The following DAB1 variants were observed in gnomAD, a reference collection of about 807,000 sequenced individuals.
The protein encoded by DAB1 is disabled homolog 1.
Under a neutral mutation model 64.6 loss-of-function variants are expected in DAB1, and 15 were observed. The observed-to-expected ratio is 0.23, with a 90% CI of 0.16 to 0.36. The LOEUF is 0.36. Among genes scored for constraint, DAB1 ranks in the 10% least tolerant of loss-of-function variants. DAB1 has a pLI of 1.00. For missense variants in DAB1, 596 were observed against 706.7 expected (o/e 0.84, Z 1.78); for synonymous variants, 235 against 251.9 (o/e 0.93, Z 0.64).
chr1:57,928,658 CAA>C (rs1644912954), intron 5 of DAB1, among the ~76,000 whole-genome samples: 1 of 152,148 alleles, frequency 6.6e-6, no homozygotes, highest in Non-Finnish European at 1.5e-5. Context: ...TTACTGTCTC[CAA>C]AGTTTTGCCT....
chr1:57,441,199 A>G (rs1254210354), intron 7 of DAB1, among the ~76,000 whole-genome samples: 1 of 152,206 alleles, frequency 6.6e-6, no homozygotes, highest in Non-Finnish European at 1.5e-5. Context: ...AAAGGACACA[A>G]TTTCATTCTT....
At chr1:57,279,863 A>G (rs1402249160) in intron 2 of DAB1, among the ~76,000 whole-genome samples, 2 of 152,230 alleles carry the variant, frequency 1.3e-5, no homozygotes, top group Non-Finnish European at 2.9e-5. Context: ...GGGGCTTCCC[A>G]TGGCTTTTTA....
At chr1:58,069,027 G>GT (rs1477413318) in intron 5 of DAB1, among the ~76,000 whole-genome samples, 7 of 152,162 alleles carry the variant, frequency 4.6e-5, no homozygotes, top group African/African-American at 1.7e-4. Flanking sequence ...AGCACACAAA[G>GT]ACATGTTGAA....
At chr1:58,451,663 A>G (rs1645137765) in intron 3 of DAB1, among the ~76,000 whole-genome samples, 1 of 152,232 alleles carries the variant, frequency 6.6e-6, no homozygotes, top group Non-Finnish European at 1.5e-5. Context: ...AAAGGACAAG[A>G]AAAGACATAC....
chr1:57,573,706 T>G (rs1276764273), intron 7 of DAB1, among the ~76,000 whole-genome samples: 1 of 152,204 alleles, frequency 6.6e-6, no homozygotes, highest in East Asian at 1.9e-4. Flanking sequence ...CTCCGTATGG[T>G]TACAGCATCC....
chr1:58,010,151 T>C (rs1339161684), intron 5 of DAB1, among the ~76,000 whole-genome samples: 1 of 152,132 alleles, frequency 6.6e-6, no homozygotes, highest in Non-Finnish European at 1.5e-5. Flanking sequence ...GGCCTGACTT[T>C]TTCATAAGCA....
chr1:58,326,537 T>C (rs1443195377), intron 4 of DAB1, among the ~76,000 whole-genome samples: 1 of 152,140 alleles, frequency 6.6e-6, no homozygotes, highest in Non-Finnish European at 1.5e-5. Flanking sequence ...GGAGAAACTG[T>C]GTTATTGAGT....
At chr1:58,295,886 G>A (rs1222743505) in intron 4 of DAB1, among the ~76,000 whole-genome samples, 1 of 151,768 alleles carries the variant, frequency 6.6e-6, no homozygotes, top group Non-Finnish European at 1.5e-5. Flanking sequence ...AGGTCAGGGG[G>A]TCGAGACCAG....
chr1:57,797,315 G>A (rs1650919247), intron 6 of DAB1, among the ~76,000 whole-genome samples: 1 of 152,178 alleles, frequency 6.6e-6, no homozygotes. Context: ...CCCAGACAGG[G>A]TAAAGGGGAG....
intron 5 of DAB1, among the ~76,000 whole-genome samples, chr1:58,028,431 ATG>A (rs1646925962): frequency 6.6e-6 from 1 of 152,170 alleles, no homozygotes; most frequent in African/African-American, 2.4e-5. Flanking sequence ...AGCATACCCC[ATG>A]TGTTTTATGA....
At chr1:57,174,509 G>T (rs999438681) in intron 2 of DAB1, among the ~76,000 whole-genome samples, 3 of 152,044 alleles carry the variant, frequency 2.0e-5, no homozygotes, top group African/African-American at 7.2e-5. Context: ...GTATTGATTG[G>T]ATTGACAGGG....
chr1:58,484,268 A>G (rs960185243), intron 3 of DAB1, among the ~76,000 whole-genome samples: 2 of 152,198 alleles, frequency 1.3e-5, no homozygotes, highest in Non-Finnish European at 2.9e-5. Flanking sequence ...ACCCTGCTAT[A>G]AAAACTTTTC....
chr1:57,396,262 T>C lies in DAB1; in HGVS notation c.-137+27668A>G, dbSNP rs1253973224. On this transcript the variant is annotated intron_variant, in intron 1 of 14. Transcript: ENST00000371236. ...GATTGCAGGTTTTGGAAAAATCCAT[T>C]TAACCTAGCATCTCCATGCCAAACA... Among the ~76,000 whole-genome samples the C allele has an allele frequency of 2.0e-5, 3 of 152,224 alleles. No individual in the cohort carries two copies. The East Asian group carries it at 5.8e-4, about 29-fold the overall frequency.
intron 4 of DAB1, among the ~76,000 whole-genome samples, chr1:58,233,872 G>A (rs1319523193): frequency 6.6e-6 from 1 of 152,176 alleles, no homozygotes; most frequent in African/African-American, 2.4e-5. Flanking sequence ...ATATAACAGA[G>A]TATGAACGCC....
chr1:58,117,936 C>G (rs1313866759), intron 5 of DAB1, among the ~76,000 whole-genome samples: 2 of 151,520 alleles, frequency 1.3e-5, no homozygotes, highest in Non-Finnish European at 2.9e-5. Flanking sequence ...AGATCTCACT[C>G]TGTCACCCAG....
chr1:57,958,482 G>A (rs990513204), intron 5 of DAB1, among the ~76,000 whole-genome samples: 3 of 152,120 alleles, frequency 2.0e-5, no homozygotes, highest in Non-Finnish European at 4.4e-5. Context: ...CAATGTGCAG[G>A]AGTGGACAGA....
chr1:57,923,042 A>G (rs768375813), intron 5 of DAB1, among the ~76,000 whole-genome samples: 14 of 150,252 alleles, frequency 9.3e-5, no homozygotes, highest in Non-Finnish European at 1.9e-4. Context: ...AAGGGGGAAG[A>G]CAATTTAGAA....
At chr1:57,852,348 T>C (rs1653566260) in intron 1 of DAB1, among the ~76,000 whole-genome samples, 3 of 152,214 alleles carry the variant, frequency 2.0e-5, no homozygotes, top group African/African-American at 7.2e-5. Flanking sequence ...TGACTGTCTA[T>C]TCTTCATAGC....
intron 6 of DAB1, among the ~76,000 whole-genome samples, chr1:57,682,657 G>T (rs1646649256): frequency 6.6e-6 from 1 of 152,002 alleles, no homozygotes. Context: ...GTCCCCCATG[G>T]GCATGTGAAC....
Sources: allele counts gnomAD v4.1 joint callset (sites outside exome capture counted in the v4.1 genomes callset), GRCh38; gene constraint gnomAD v4.1.1; transcripts MANE v1.5; gene names NCBI Gene and HGNC (gene_info 2026-07-23, HGNC 2026-07-21).